The following PLEKHA5 variants were observed in gnomAD, a reference collection of about 807,000 sequenced individuals.
The protein encoded by PLEKHA5 is pleckstrin homology domain-containing family A member 5.
A neutral mutation model predicts 181.9 loss-of-function variants in PLEKHA5; 55 were observed. The observed-to-expected ratio is 0.30, with a 90% CI of 0.24 to 0.38. The LOEUF (loss-of-function observed/expected upper bound fraction) is 0.38, where lower values mean the gene tolerates loss of function less well. Among genes scored for constraint, PLEKHA5 ranks in the 10% least tolerant of loss-of-function variants. PLEKHA5 has a pLI of 1.00. For missense variants in PLEKHA5, 1,432 were observed against 1,549.5 expected (o/e 0.92, Z 1.27); for synonymous variants, 535 against 529.4 (o/e 1.01, Z -0.15).
At chr12:19,305,858 T>C (rs1487099315) in intron 15 of PLEKHA5, among the ~76,000 whole-genome samples, 1 of 4,412 alleles carries the variant, frequency 2.3e-4, no homozygotes, top group Non-Finnish European at 1.3e-3. Context: ...CAAAACTCCA[T>C]CTCAAAAAAA....
intron 11 of PLEKHA5, 69 bp from the exon 12 acceptor site, chr12:19,283,211 G>T: frequency 4.6e-5 from 29 of 631,690 alleles, no homozygotes; most frequent in Non-Finnish European, 6.3e-5. Context: ...CAAAAGAAAT[G>T]TACTCTAATT....
intron 3 of PLEKHA5, among the ~76,000 whole-genome samples, chr12:19,168,580 T>TA (rs35424810): frequency 0.66 from 100,802 of 151,866 alleles, 36,831 homozygotes; most frequent in Non-Finnish European, 0.83. Context: ...GTTTGAATAT[T>TA]AAATTCACTT....
At chr12:19,341,938 G>A (rs1374347745) in intron 21 of PLEKHA5, among the ~76,000 whole-genome samples, 1 of 152,042 alleles carries the variant, frequency 6.6e-6, no homozygotes, top group Non-Finnish European at 1.5e-5. Flanking sequence ...TTTCTGTGTT[G>A]CCCAGGCAGG....
intron 3 of PLEKHA5, among the ~76,000 whole-genome samples, chr12:19,231,084 C>T (rs2152382171): frequency 6.6e-6 from 1 of 152,208 alleles, no homozygotes; most frequent in South Asian, 2.1e-4. Context: ...TGGGTATTTT[C>T]TTCCTTCCCT....
At chr12:19,217,995 G>A (rs558617494) in intron 3 of PLEKHA5, among the ~76,000 whole-genome samples, 1 of 152,308 alleles carries the variant, frequency 6.6e-6, no homozygotes, top group East Asian at 1.9e-4. Context: ...TCAGGAAATT[G>A]CTACAGTTTA....
chr12:19,342,118 CTG>C (rs1470417098), intron 21 of PLEKHA5, among the ~76,000 whole-genome samples: 3 of 152,148 alleles, frequency 2.0e-5, no homozygotes, highest in Non-Finnish European at 4.4e-5. Context: ...TCATTAATAA[CTG>C]ATACTCAGCC....
intron 7 of PLEKHA5, 45 bp from the exon 8 acceptor site, chr12:19,265,705 A>G (rs376631613): frequency 2.6e-5 from 29 of 1,134,792 alleles, no homozygotes; most frequent in Middle Eastern, 5.0e-4. Context: ...ACTTTGCTTC[A>G]TAAGAACATT....
At chr12:19,310,887 A>G (rs2086250572) in intron 15 of PLEKHA5, among the ~76,000 whole-genome samples, 1 of 152,150 alleles carries the variant, frequency 6.6e-6, no homozygotes, top group Admixed American at 6.5e-5. Flanking sequence ...CTGTATTGCT[A>G]AAAAACACTA....
chr12:19,145,975 A>G (rs765739924), intron 3 of PLEKHA5, among the ~76,000 whole-genome samples: 2 of 152,220 alleles, frequency 1.3e-5, no homozygotes, highest in Non-Finnish European at 2.9e-5. Context: ...CAAAAGTAAT[A>G]ATATGACACA....
intron 29 of PLEKHA5, among the ~76,000 whole-genome samples, chr12:19,363,667 T>C (rs1404209973): frequency 6.6e-6 from 1 of 151,960 alleles, no homozygotes; most frequent in Non-Finnish European, 1.5e-5. Context: ...AATTTTTGTA[T>C]TTTTAGTAGA....
At chr12:19,166,984 T>C (rs2044543424) in intron 3 of PLEKHA5, among the ~76,000 whole-genome samples, 1 of 152,200 alleles carries the variant, frequency 6.6e-6, no homozygotes, top group Non-Finnish European at 1.5e-5. Context: ...ACTAAACATA[T>C]ATTCGAGACA....
intron 3 of PLEKHA5, among the ~76,000 whole-genome samples, chr12:19,147,547 A>G (rs1456477391): frequency 2.0e-5 from 3 of 152,048 alleles, no homozygotes; most frequent in Non-Finnish European, 2.9e-5. Flanking sequence ...ACAACTTTGA[A>G]TGAAGGTGTT....
At chr12:19,177,041 T>A (rs1446093538) in intron 3 of PLEKHA5, among the ~76,000 whole-genome samples, 1 of 152,026 alleles carries the variant, frequency 6.6e-6, no homozygotes, top group Non-Finnish European at 1.5e-5. Context: ...CTAATTTTTG[T>A]ATTTTTAGTG....
intron 3 of PLEKHA5, among the ~76,000 whole-genome samples, chr12:19,241,435 C>G (rs549929171): frequency 1.3e-5 from 2 of 152,234 alleles, no homozygotes; most frequent in South Asian, 2.1e-4. Context: ...TAAATACATA[C>G]TGTCTTAATT....
At chr12:19,230,938 T>C (rs766548534) in intron 3 of PLEKHA5, among the ~76,000 whole-genome samples, 5 of 152,226 alleles carry the variant, frequency 3.3e-5, no homozygotes, top group African/African-American at 7.2e-5. Flanking sequence ...GGACAACTTA[T>C]GAAGTCAGTT....
At chr12:19,335,482 C>A (rs1195199608) in intron 20 of PLEKHA5, among the ~76,000 whole-genome samples, 1 of 148,408 alleles carries the variant, frequency 6.7e-6, no homozygotes, top group Non-Finnish European at 1.5e-5. Flanking sequence ...ATGGTGCAAT[C>A]TCGGCTCACT....
intron 3 of PLEKHA5, among the ~76,000 whole-genome samples, chr12:19,229,650 G>A (rs542472312): frequency 3.3e-5 from 5 of 152,218 alleles, no homozygotes; most frequent in African/African-American, 9.6e-5. Flanking sequence ...AAGATATATC[G>A]CAAAGAGCGA....
intron 3 of PLEKHA5, among the ~76,000 whole-genome samples, chr12:19,225,491 T>G (rs1291451820): frequency 6.6e-6 from 1 of 152,214 alleles, no homozygotes; most frequent in Admixed American, 6.5e-5. Flanking sequence ...CAGTTCTTGC[T>G]TATTATTTTC....
chr12:19,329,970 G>T (rs1858798752), intron 20 of PLEKHA5, among the ~76,000 whole-genome samples: 1 of 151,870 alleles, frequency 6.6e-6, no homozygotes, highest in African/African-American at 2.4e-5. Context: ...TGTGCCTGGA[G>T]TGCCAACTAC....
Sources: allele counts gnomAD v4.1 joint callset (sites outside exome capture counted in the v4.1 genomes callset), GRCh38; gene constraint gnomAD v4.1.1; transcripts MANE v1.5; gene names NCBI Gene and HGNC (gene_info 2026-07-23, HGNC 2026-07-21).